BABAM2: variants seen among roughly 807,000 people sequenced by gnomAD.
BABAM2 encodes BRISC and BRCA1 A complex member 2.
Under a neutral mutation model 54.7 loss-of-function variants are expected in BABAM2, and 31 were observed. The ratio of observed to expected loss-of-function variants is 0.57; its 90% CI spans 0.43 to 0.77. The LOEUF is 0.77. BABAM2 is among the 30% of genes least tolerant of loss of function. The probability of loss-of-function intolerance (pLI) is 0.00; values close to 1 mark genes in which losing one functional copy is unlikely to be tolerated. For missense variants in BABAM2, 364 were observed against 455.8 expected (o/e 0.80, Z 1.83); for synonymous variants, 167 against 162.9 (o/e 1.03, Z -0.19).
At position 28,026,959 on chromosome 2, in the gene BABAM2, A is replaced by ATATATATATAAATATATATAAAT. The variant is rs1675880040; in HGVS notation, c.495+1539_495+1540insTATATATATAAATATATATAAAT. On this transcript the variant is annotated intron_variant, in intron 5 of 11. Coordinates refer to ENST00000379624, the MANE Select transcript of BABAM2 (RefSeq NM_199191.3). The stretch of plus-strand genomic sequence containing the variant: ...ATATAAATATATATTAATATATATA[A>ATATATATATAAATATATATAAAT]ATATATATATAAATATATAAATATA... Among the ~76,000 whole-genome samples the ATATATATATAAATATATATAAAT allele has an allele frequency of 2.6e-3, 24 of 9,296 alleles. 1 individual carries two copies. Among genetic ancestry groups the ATATATATATAAATATATATAAAT allele is most frequent in the Non-Finnish European group, 5.8e-3 (15 of 2,602 alleles). The allele number at this position is 9,296 out of a possible 152,430, so 6.1% of individuals were successfully genotyped here.
At chr2:28,303,459 A>G (rs1362536882) in intron 11 of BABAM2, among the ~76,000 whole-genome samples, 1 of 152,170 alleles carries the variant, frequency 6.6e-6, no homozygotes, top group African/African-American at 2.4e-5. Flanking sequence ...CTGTTGAATT[A>G]CCTTTACATC....
At chr2:28,187,503 A>T (rs1676439671) in intron 7 of BABAM2, among the ~76,000 whole-genome samples, 1 of 152,184 alleles carries the variant, frequency 6.6e-6, no homozygotes, top group South Asian at 2.1e-4. Flanking sequence ...GGAACAGTTC[A>T]TGGGATTCTT....
intron 3 of BABAM2, among the ~76,000 whole-genome samples, chr2:27,974,735 T>G (rs570216487): frequency 1.3e-5 from 2 of 152,184 alleles, no homozygotes; most frequent in South Asian, 4.1e-4. Flanking sequence ...TATAACATAG[T>G]ACTGGAAGTT....
intron 10 of BABAM2, among the ~76,000 whole-genome samples, chr2:28,285,078 C>T (rs1002757751): frequency 3.9e-5 from 6 of 152,134 alleles, no homozygotes; most frequent in Admixed American, 1.3e-4. Context: ...TTCCAAACAC[C>T]GTTTTCTTCC....
chr2:28,250,415 T>C (rs1420478333), intron 10 of BABAM2, among the ~76,000 whole-genome samples: 1 of 151,074 alleles, frequency 6.6e-6, no homozygotes, highest in Non-Finnish European at 1.5e-5. Context: ...ATAATTGCCT[T>C]AAGATTAATA....
chr2:28,327,317 G>C (rs754562559), intron 11 of BABAM2: 3 of 1,613,738 alleles, frequency 1.9e-6, no homozygotes, highest in Non-Finnish European at 2.5e-6. Context: ...GTGGGAGCAA[G>C]TCCTGGCCTT....
intron 3 of BABAM2, among the ~76,000 whole-genome samples, chr2:27,952,989 A>G (rs1669844761): frequency 6.6e-6 from 1 of 152,128 alleles, no homozygotes; most frequent in Non-Finnish European, 1.5e-5. Flanking sequence ...CACGTGAAAA[A>G]GAAAACCAGT....
chr2:28,045,668 G>T, intron 5 of BABAM2, 57 bp from the exon 6 acceptor site: 1 of 1,464,758 alleles, frequency 6.8e-7, no homozygotes, highest in Non-Finnish European at 9.4e-7. Flanking sequence ...GGCTATAATT[G>T]TCACTTCATA....
Position 27,910,348 on chromosome 2 carries a change from A to AGTT in BABAM2, c.128+15669_128+15671dup, listed in dbSNP as rs1666493494. On this transcript the variant is annotated intron_variant, in intron 2 of 11. Transcript: ENST00000379624. ...AAGCATCAGAGAAACAAAAAAGGTTAGTTGTTGCTACTTCCCTCCCCTAAA... is the reference window on the plus strand; with the variant it reads ...AAGCATCAGAGAAACAAAAAAGGTTAGTTGTTGTTGCTACTTCCCTCCCCTAAA... Among the ~76,000 whole-genome samples the AGTT allele has an allele frequency of 4.0e-5, 6 of 150,946 alleles. No homozygotes were observed. The South Asian group carries it at 1.2e-3, about 31-fold the overall frequency.
At chr2:28,058,550 AAT>A (rs201883842) in intron 6 of BABAM2, among the ~76,000 whole-genome samples, 15 of 149,616 alleles carry the variant, frequency 1.0e-4, no homozygotes, top group South Asian at 4.2e-4. Flanking sequence ...GTGTATATAA[AAT>A]ATATATATAT....
At chr2:28,232,027 A>G (rs1681458328) in intron 7 of BABAM2, among the ~76,000 whole-genome samples, 1 of 151,912 alleles carries the variant, frequency 6.6e-6, no homozygotes, top group Non-Finnish European at 1.5e-5. Flanking sequence ...GCTGGTCTCA[A>G]ACTCCTGGCC....
At chr2:28,082,906 C>T (rs1179159898) in intron 6 of BABAM2, among the ~76,000 whole-genome samples, 1 of 152,024 alleles carries the variant, frequency 6.6e-6, no homozygotes, top group African/African-American at 2.4e-5. Flanking sequence ...ATAATTTGTC[C>T]ACATGCACCA....
At chr2:28,028,828 G>A (rs1486344087) in intron 5 of BABAM2, among the ~76,000 whole-genome samples, 5 of 151,924 alleles carry the variant, frequency 3.3e-5, no homozygotes, top group African/African-American at 1.2e-4. Flanking sequence ...GTGCAGTGGC[G>A]TACTCTCGGC....
chr2:28,324,041 C>T (rs1015651807), intron 11 of BABAM2, among the ~76,000 whole-genome samples: 2 of 152,176 alleles, frequency 1.3e-5, no homozygotes, highest in Admixed American at 1.3e-4. Flanking sequence ...TGAGAGTGAA[C>T]AGCACCAGTC....
intron 7 of BABAM2, among the ~76,000 whole-genome samples, chr2:28,165,143 C>T (rs1323526606): frequency 6.6e-6 from 1 of 152,206 alleles, no homozygotes; most frequent in Admixed American, 6.5e-5. Context: ...TGCCAGTGTA[C>T]TGCGGGAGAA....
At chr2:28,290,115 T>C (rs1687167756) in intron 10 of BABAM2, among the ~76,000 whole-genome samples, 1 of 152,368 alleles carries the variant, frequency 6.6e-6, no homozygotes, top group South Asian at 2.1e-4. Flanking sequence ...CTTTTTTCAC[T>C]GAACATTTGG....
rs138285134 is a variant in BABAM2, at chr2:27,935,783, C to A, written c.205+5875C>A. Among the ~76,000 whole-genome samples the A allele has an allele frequency of 6.3e-3, 964 of 152,326 alleles. 7 individuals are homozygous for A. Among genetic ancestry groups the A allele is most frequent in the Non-Finnish European group, 7.9e-3 (536 of 68,032 alleles). On this transcript the variant is annotated intron_variant, in intron 3 of 11. Transcript: ENST00000379624. ...AGCCATGCCGCCCTTCAGCAACTAC[C>A]ACTGTAATCAGTCAGGAGCCATCAG...
chr2:27,930,113 C>T (rs903980440), intron 3 of BABAM2: 5 of 487,830 alleles, frequency 1.0e-5, no homozygotes, highest in Non-Finnish European at 1.8e-5. Context: ...GTTAAATAGG[C>T]ATGCACAGAA....
intron 11 of BABAM2, among the ~76,000 whole-genome samples, chr2:28,302,439 T>G (rs1688185222): frequency 2.0e-5 from 3 of 151,894 alleles, no homozygotes; most frequent in Non-Finnish European, 4.4e-5. Context: ...AAAATGTATC[T>G]GTTATGGCAT....
Sources: allele counts gnomAD v4.1 joint callset (sites outside exome capture counted in the v4.1 genomes callset), GRCh38; gene constraint gnomAD v4.1.1; transcripts MANE v1.5; gene names NCBI Gene and HGNC (gene_info 2026-07-23, HGNC 2026-07-21).